TMEM72: variants seen among roughly 807,000 people sequenced by gnomAD.
TMEM72 encodes transmembrane protein 72.
In TMEM72, 9 loss-of-function variants were observed where a neutral mutation model predicts 16.3. That is an observed-to-expected ratio of 0.55 (90% CI 0.33 to 0.96). The LOEUF (loss-of-function observed/expected upper bound fraction) is 0.96. TMEM72 is among the 40% of genes least tolerant of loss of function. TMEM72 has a pLI of 0.03. For synonymous variants in TMEM72, 160 were observed against 146.5 expected (o/e 1.09, Z -0.66); for missense variants, 324 against 337.8 (o/e 0.96, Z 0.32).
chr10:44,928,116 G>A, intron 2 of TMEM72, 129 bp downstream of exon 2: 2 of 991,650 alleles, frequency 2.0e-6, no homozygotes, highest in Non-Finnish European at 3.0e-6. Flanking sequence ...GGGGTGAAGG[G>A]AGTTGAGGGG....
chr10:44,925,387 C>T (rs148973054), intron 1 of TMEM72, among the ~76,000 whole-genome samples: 8 of 152,356 alleles, frequency 5.3e-5, no homozygotes, highest in African/African-American at 1.7e-4. Flanking sequence ...TGCCACAAGC[C>T]CCCTGCAAAT....
intron 1 of TMEM72, among the ~76,000 whole-genome samples, chr10:44,917,823 C>T (rs1840034726): frequency 6.6e-6 from 1 of 152,144 alleles, no homozygotes; most frequent in African/African-American, 2.4e-5. Context: ...GATGCATTCT[C>T]CCTGAACACT....
At position 44,927,846 on chromosome 10, in the gene TMEM72, C is replaced by G. The variant is rs1840222091; in HGVS notation, c.71-75C>G. 5 of 1,477,276 alleles carry G rather than the reference C, an allele frequency of 3.4e-6. No homozygotes were observed. In the South Asian group the frequency reaches 5.8e-5, roughly 17 times the overall value. 91.5% of individuals were successfully genotyped at this position (1,477,276 alleles called of 1,614,324 possible). A position where few individuals can be genotyped will look rare whatever the true frequency, so the allele number is the denominator to read the frequency against. On this transcript the variant is annotated intron_variant, in intron 1 of 4. Transcript: ENST00000389583. ...CCCAGGAAGAAGACTCACTCCACAG[C>G]CAAGGTACCCTCAACAGGGCAGTGC...
chr10:44,917,897 C>T (rs982908017), intron 1 of TMEM72, among the ~76,000 whole-genome samples: 6 of 152,126 alleles, frequency 3.9e-5, no homozygotes, highest in African/African-American at 1.4e-4. Flanking sequence ...GAAATTTCTC[C>T]TGTGGGCCTG....
intron 1 of TMEM72, among the ~76,000 whole-genome samples, chr10:44,925,992 C>T (rs1347265474): frequency 6.6e-6 from 1 of 151,870 alleles, no homozygotes; most frequent in African/African-American, 2.4e-5. Flanking sequence ...CTCACACTCA[C>T]ATATTCACAC....
At chr10:44,927,556 C>T (rs1840216196) in intron 1 of TMEM72, among the ~76,000 whole-genome samples, 1 of 152,238 alleles carries the variant, frequency 6.6e-6, no homozygotes, top group Admixed American at 6.5e-5. Flanking sequence ...CACGGCCAAG[C>T]ACTGAAGCCA....
At chr10:44,920,672 A>C (rs1297662831) in intron 1 of TMEM72, among the ~76,000 whole-genome samples, 2 of 151,926 alleles carry the variant, frequency 1.3e-5, no homozygotes, top group African/African-American at 4.9e-5. Context: ...TCCACTGGAG[A>C]ATACTGATGG....
rs758641700 is a variant in TMEM72 at position 44,933,786 on chromosome 10, C to T, written c.349+10C>T. 16 of 1,611,548 alleles carry T rather than the reference C, an allele frequency of 9.9e-6. 1 individual carries two copies. The East Asian group carries it at 3.3e-4, about 34-fold the overall frequency. On this transcript the variant is annotated intron_variant, in intron 4 of 4. Coordinates refer to ENST00000389583, the MANE Select transcript of TMEM72 (RefSeq NM_001123376.3). ...CACGTGACCATCCCAGGTAAGAGCA[C>T]AGGGGTAGAGATATGCAGCCCCAGC... is the stretch of plus-strand genomic sequence containing the variant.
chr10:44,919,922 C>G (rs1280742258), intron 1 of TMEM72: 2 of 152,252 alleles, frequency 1.3e-5, no homozygotes, highest in Non-Finnish European at 2.9e-5. Flanking sequence ...GTGGCTACTA[C>G]CTTACTGTCC....
At chr10:44,916,017 G>A (rs1453882739) in intron 1 of TMEM72, among the ~76,000 whole-genome samples, 1 of 152,108 alleles carries the variant, frequency 6.6e-6, no homozygotes. Context: ...CTAGAGTGCT[G>A]GGCTCAGTCC....
At chr10:44,922,589 A>G (rs7099031) in intron 1 of TMEM72, among the ~76,000 whole-genome samples, 148,002 of 152,342 alleles carry the variant, frequency 0.97, 71,943 homozygotes, top group East Asian at 1. Flanking sequence ...TACGGTTCAC[A>G]AAATTCCTGC....
intron 1 of TMEM72, among the ~76,000 whole-genome samples, chr10:44,918,654 T>C (rs1840046739): frequency 6.6e-6 from 1 of 152,200 alleles, no homozygotes; most frequent in Non-Finnish European, 1.5e-5. Flanking sequence ...AATGCAAGGT[T>C]GTTTTAATAT....
intron 2 of TMEM72, among the ~76,000 whole-genome samples, chr10:44,930,683 G>A (rs1189714565): frequency 6.6e-6 from 1 of 152,120 alleles, no homozygotes; most frequent in East Asian, 1.9e-4. Flanking sequence ...TGAGAGGAGT[G>A]GAGATCACTA....
intron 1 of TMEM72, among the ~76,000 whole-genome samples, chr10:44,918,597 T>C (rs1840045547): frequency 6.6e-6 from 1 of 152,132 alleles, no homozygotes; most frequent in Non-Finnish European, 1.5e-5. Flanking sequence ...CAAATACAAA[T>C]ATATTGAAAG....
At chr10:44,925,397 T>C (rs541756336) in intron 1 of TMEM72, among the ~76,000 whole-genome samples, 71 of 152,326 alleles carry the variant, frequency 4.7e-4, no homozygotes, top group African/African-American at 1.5e-3. Flanking sequence ...CCCCTGCAAA[T>C]TGGCCAACAT....
chr10:44,929,714 C>T (rs1021354216), intron 2 of TMEM72, among the ~76,000 whole-genome samples: 11 of 152,274 alleles, frequency 7.2e-5, no homozygotes, highest in Admixed American at 1.3e-4. Flanking sequence ...CTCTGCCTCA[C>T]TTCTTGCCAC....
chr10:44,929,660 G>A (rs541552401), intron 2 of TMEM72, among the ~76,000 whole-genome samples: 1 of 152,366 alleles, frequency 6.6e-6, no homozygotes, highest in South Asian at 2.1e-4. Flanking sequence ...CAACCTTCAA[G>A]AGCTTCCACC....
intron 1 of TMEM72, among the ~76,000 whole-genome samples, chr10:44,926,000 C>T (rs994146956): frequency 6.6e-6 from 1 of 151,860 alleles, no homozygotes; most frequent in Non-Finnish European, 1.5e-5. Context: ...CACATATTCA[C>T]ACATGCACAT....
intron 2 of TMEM72, among the ~76,000 whole-genome samples, chr10:44,931,239 G>C (rs543431079): frequency 6.6e-6 from 1 of 152,358 alleles, no homozygotes; most frequent in South Asian, 2.1e-4. Context: ...AGGATAGGCA[G>C]TGAGACCCTC....
Sources: allele counts gnomAD v4.1 joint callset (sites outside exome capture counted in the v4.1 genomes callset), GRCh38; gene constraint gnomAD v4.1.1; transcripts MANE v1.5; gene names NCBI Gene and HGNC (gene_info 2026-07-23, HGNC 2026-07-21).